The following CHL1 variants were observed in gnomAD, a reference collection of about 807,000 sequenced individuals.
The protein encoded by CHL1 is neural cell adhesion molecule L1-like protein.
A neutral mutation model predicts 141.9 loss-of-function variants in CHL1; 96 were observed. The observed-to-expected ratio is 0.68, with a 90% CI of 0.57 to 0.80. CHL1 has a LOEUF of 0.80. CHL1 is among the 30% of genes least tolerant of loss of function. The pLI is 0.00. For synonymous variants in CHL1, 613 were observed against 502.2 expected (o/e 1.22, Z -2.95); for missense variants, 1,820 against 1,457.2 (o/e 1.25, Z -4.05).
intron 27 of CHL1, among the ~76,000 whole-genome samples, chr3:404,190 G>A (rs778870090): frequency 1.1e-4 from 16 of 152,062 alleles, no homozygotes; most frequent in African/African-American, 3.1e-4. Flanking sequence ...TTAAATCTTT[G>A]GCTCGGAAGA....
chr3:400,701 C>T (rs1325080510), intron 26 of CHL1, among the ~76,000 whole-genome samples: 1 of 150,782 alleles, frequency 6.6e-6, no homozygotes, highest in African/African-American at 2.4e-5. Context: ...ACTCGGGAGG[C>T]TGAGGCAGGA....
At chr3:306,021 T>C (rs1019267383) in intron 2 of CHL1, among the ~76,000 whole-genome samples, 1 of 152,196 alleles carries the variant, frequency 6.6e-6, no homozygotes, top group Non-Finnish European at 1.5e-5. Context: ...CTGGTTATCA[T>C]GCAAATGAAG....
chr3:347,257 G>T (rs979531414), intron 9 of CHL1, among the ~76,000 whole-genome samples: 4 of 152,112 alleles, frequency 2.6e-5, no homozygotes, highest in Admixed American at 2.0e-4. Flanking sequence ...GCAAATAAAA[G>T]TTGGCCAGAC....
chr3:265,205 T>C lies in CHL1; in HGVS notation c.-95+20513T>C, dbSNP rs764053428. ...GCTAAGGTTCACATTCTTGCTTCCATTATTTGCTAGCTGCATGAACTTAGC... is the reference window on the plus strand; with the variant it reads ...GCTAAGGTTCACATTCTTGCTTCCACTATTTGCTAGCTGCATGAACTTAGC... On this transcript the variant is annotated intron_variant, in intron 2 of 27. Transcript: ENST00000256509. 2.1e-4 allele frequency among the ~76,000 whole-genome samples: 32 copies of C among 152,334 alleles called. 2 individuals carry two copies. In the South Asian group the frequency reaches 6.6e-3, roughly 32 times the overall value.
At chr3:200,479 G>T (rs984602450) in intron 1 of CHL1, among the ~76,000 whole-genome samples, 55 of 152,230 alleles carry the variant, frequency 3.6e-4, no homozygotes, top group African/African-American at 1.3e-3. Context: ...CCAAGATTGA[G>T]AATACTATAT....
intron 2 of CHL1, among the ~76,000 whole-genome samples, chr3:312,790 A>C (rs140313860): frequency 5.3e-5 from 8 of 152,324 alleles, no homozygotes; most frequent in African/African-American, 1.9e-4. Flanking sequence ...TCATGGAGAG[A>C]AAAGAAAATT....
At chr3:342,123 T>C (rs1011381600) in intron 7 of CHL1, 41 bp downstream of exon 7, 3 of 1,519,696 alleles carry the variant, frequency 2.0e-6, no homozygotes, top group Non-Finnish European at 2.7e-6. Context: ...GTATGCTGAA[T>C]GCAAATGTGT....
At chr3:317,788 G>A (rs902006459) in intron 2 of CHL1, among the ~76,000 whole-genome samples, 4 of 151,702 alleles carry the variant, frequency 2.6e-5, no homozygotes, top group African/African-American at 9.7e-5. Context: ...CTCACCTTTT[G>A]TAGTTAAGGC....
At chr3:258,521 A>T (rs1173778425) in intron 2 of CHL1, among the ~76,000 whole-genome samples, 1 of 152,234 alleles carries the variant, frequency 6.6e-6, no homozygotes, top group African/African-American at 2.4e-5. Flanking sequence ...ATTAAAATCG[A>T]AACCCTGTTC....
intron 2 of CHL1, among the ~76,000 whole-genome samples, chr3:271,543 C>A (rs941160159): frequency 6.6e-6 from 1 of 152,194 alleles, no homozygotes; most frequent in African/African-American, 2.4e-5. Context: ...AAGAGAATTT[C>A]TCGCAAGATA....
intron 2 of CHL1, among the ~76,000 whole-genome samples, chr3:305,721 A>T (rs1454073736): frequency 6.6e-6 from 1 of 151,426 alleles, no homozygotes; most frequent in Non-Finnish European, 1.5e-5. Context: ...AAAAATAAAT[A>T]TAAATGTCTG....
intron 5 of CHL1, among the ~76,000 whole-genome samples, chr3:339,049 C>T (rs952626183): frequency 6.6e-6 from 1 of 152,120 alleles, no homozygotes; most frequent in East Asian, 1.9e-4. Context: ...ATTACATGCC[C>T]TTTCCATTTT....
At chr3:230,172 A>G (rs1675985633) in intron 1 of CHL1, among the ~76,000 whole-genome samples, 1 of 152,224 alleles carries the variant, frequency 6.6e-6, no homozygotes. Flanking sequence ...TCTCTTGTAT[A>G]ATAAATTCTG....
At position 319,732 on chromosome 3, in the gene CHL1, A is replaced by C; in HGVS notation, c.-45A>C. On this transcript the variant is annotated 5_prime_UTR_variant, in exon 3 of 28. Coordinates refer to ENST00000256509, the MANE Select transcript of CHL1 (RefSeq NM_006614.4). ...CTGTAAACCAAAAGTGAGAGGAGAC[A>C]TTAAGATTTTCATTCTTACCGGGTT... The C allele has an allele frequency of 7.7e-7, 1 of 1,295,524 alleles. No individual in the cohort carries two copies. The highest frequency in any genetic ancestry group is 1.1e-6 in the Non-Finnish European group (1 of 899,202). 80.3% of individuals were successfully genotyped at this position (1,295,524 alleles called of 1,614,324 possible).
intron 19 of CHL1, 89 bp from the exon 20 acceptor site, chr3:389,163 T>G: frequency 1.0e-6 from 1 of 972,684 alleles, no homozygotes; most frequent in East Asian, 2.6e-5. Context: ...TTCATTACAT[T>G]GTTCCTTATT....
intron 1 of CHL1, among the ~76,000 whole-genome samples, chr3:217,181 GA>G (rs541674813): frequency 2.0e-5 from 3 of 151,808 alleles, no homozygotes; most frequent in South Asian, 2.1e-4. Context: ...AACAATAACA[GA>G]AAAAAAATTA....
intron 2 of CHL1, among the ~76,000 whole-genome samples, chr3:304,726 G>C (rs539446116): frequency 1.3e-5 from 2 of 151,898 alleles, no homozygotes; most frequent in African/African-American, 2.4e-5. Flanking sequence ...AGGGTTTTTC[G>C]TGTCTCTATC....
At chr3:216,660 G>T (rs1176200877) in intron 1 of CHL1, among the ~76,000 whole-genome samples, 1 of 152,098 alleles carries the variant, frequency 6.6e-6, no homozygotes, top group Non-Finnish European at 1.5e-5. Flanking sequence ...CAATATATTT[G>T]GTAGACTTAT....
chr3:386,732 C>G (rs976624997), intron 19 of CHL1, among the ~76,000 whole-genome samples: 8 of 152,032 alleles, frequency 5.3e-5, no homozygotes, highest in African/African-American at 1.9e-4. Context: ...TAGTTAACTC[C>G]TAATGGATCT....
Sources: allele counts gnomAD v4.1 joint callset (sites outside exome capture counted in the v4.1 genomes callset), GRCh38; gene constraint gnomAD v4.1.1; transcripts MANE v1.5; gene names NCBI Gene and HGNC (gene_info 2026-07-23, HGNC 2026-07-21).